The following AK8 variants were observed in gnomAD, a reference collection of about 807,000 sequenced individuals.
The protein encoded by AK8 is ATP-AMP transphosphorylase 8.
Under a neutral mutation model 54.6 loss-of-function variants are expected in AK8, and 44 were observed. The ratio of observed to expected loss-of-function variants is 0.81; its 90% confidence interval spans 0.63 to 1.04. AK8 has a LOEUF of 1.04. AK8 is among the 50% of genes least tolerant of loss of function. AK8 has a pLI of 0.00. For synonymous variants in AK8, 239 were observed against 245.6 expected (o/e 0.97, Z 0.25); for missense variants, 555 against 613.6 (o/e 0.90, Z 1.01).
chr9:132,739,931 G>A (rs1837290711), intron 11 of AK8, among the ~76,000 whole-genome samples: 1 of 152,260 alleles, frequency 6.6e-6, no homozygotes, highest in South Asian at 2.1e-4. Context: ...GTGGGGCAAA[G>A]TACGCATTCT....
intron 11 of AK8, among the ~76,000 whole-genome samples, chr9:132,731,954 C>T (rs1215779331): frequency 6.6e-6 from 1 of 152,194 alleles, no homozygotes; most frequent in Non-Finnish European, 1.5e-5. Context: ...CCCACAATGA[C>T]CAACCATAGT....
At chr9:132,768,776 T>C (rs1239020256) in intron 11 of AK8, among the ~76,000 whole-genome samples, 2 of 152,324 alleles carry the variant, frequency 1.3e-5, no homozygotes, top group South Asian at 4.1e-4. Context: ...ATCTGGACAG[T>C]CTCATGCTAT....
chr9:132,746,574 G>A (rs1837663378), intron 11 of AK8, among the ~76,000 whole-genome samples: 1 of 152,264 alleles, frequency 6.6e-6, no homozygotes, highest in South Asian at 2.1e-4. Context: ...CATGCTAATA[G>A]AGATTCCGAC....
At chr9:132,789,597 CAAAAAAAAAAA>C (rs578003731) in intron 11 of AK8, among the ~76,000 whole-genome samples, 2 of 57,548 alleles carry the variant, frequency 3.5e-5, no homozygotes, top group Non-Finnish European at 6.2e-5. Flanking sequence ...ACTCATCTCA[CAAAAAAAAAAA>C]AAAAAAAAAA....
chr9:132,841,118 C>T (rs1037818125), intron 5 of AK8, among the ~76,000 whole-genome samples: 17 of 152,316 alleles, frequency 1.1e-4, no homozygotes, highest in South Asian at 6.2e-4. Flanking sequence ...TCAGAGCATG[C>T]GCCGCAGCAC....
At chr9:132,727,018 C>A (rs1836608072) in intron 12 of AK8, among the ~76,000 whole-genome samples, 1 of 151,996 alleles carries the variant, frequency 6.6e-6, no homozygotes, top group Non-Finnish European at 1.5e-5. Flanking sequence ...GGTCAGACTG[C>A]AGAATCAAAC....
At chr9:132,742,177 T>A (rs2130980945) in intron 11 of AK8, among the ~76,000 whole-genome samples, 1 of 151,308 alleles carries the variant, frequency 6.6e-6, no homozygotes, top group East Asian at 1.9e-4. Flanking sequence ...GACTTTTTTT[T>A]TTTTTTTTTT....
chr9:132,821,232 G>A (rs1007776786), intron 9 of AK8, among the ~76,000 whole-genome samples: 5 of 151,162 alleles, frequency 3.3e-5, no homozygotes, highest in South Asian at 2.1e-4. Context: ...TATTGCTGCC[G>A]TGTTTTCAGA....
intron 11 of AK8, among the ~76,000 whole-genome samples, chr9:132,768,281 T>C (rs1003167005): frequency 6.6e-6 from 1 of 152,088 alleles, no homozygotes; most frequent in Non-Finnish European, 1.5e-5. Context: ...TTTTTTTTTT[T>C]TTTGAGACGG....
intron 11 of AK8, among the ~76,000 whole-genome samples, chr9:132,786,459 C>T (rs1453354648): frequency 6.6e-6 from 1 of 152,110 alleles, no homozygotes; most frequent in Non-Finnish European, 1.5e-5. Flanking sequence ...TCCCAGTGTC[C>T]TGCTTCTCCC....
At chr9:132,815,810 T>A (rs374707612) in intron 9 of AK8, among the ~76,000 whole-genome samples, 16 of 152,372 alleles carry the variant, frequency 1.1e-4, no homozygotes, top group African/African-American at 3.6e-4. Context: ...TATATTTTCA[T>A]GAATTGTTCA....
intron 11 of AK8, among the ~76,000 whole-genome samples, chr9:132,776,109 A>G (rs1839205723): frequency 6.6e-6 from 1 of 152,186 alleles, no homozygotes; most frequent in Admixed American, 6.5e-5. Context: ...AAGTGGTAAA[A>G]TGTCAATGGT....
intron 11 of AK8, among the ~76,000 whole-genome samples, chr9:132,731,910 G>A (rs1179834513): frequency 6.6e-6 from 1 of 152,168 alleles, no homozygotes; most frequent in Non-Finnish European, 1.5e-5. Context: ...GTCTGTCATG[G>A]TATTTCAGAT....
At chr9:132,785,461 GAAAT>G (rs1839654821) in intron 11 of AK8, among the ~76,000 whole-genome samples, 1 of 152,176 alleles carries the variant, frequency 6.6e-6, no homozygotes, top group Non-Finnish European at 1.5e-5. Context: ...AACAAACTGA[GAAAT>G]AAGGTTTAAT....
intron 11 of AK8, among the ~76,000 whole-genome samples, chr9:132,741,062 C>G (rs1837365929): frequency 6.6e-6 from 1 of 152,144 alleles, no homozygotes; most frequent in African/African-American, 2.4e-5. Context: ...AGTGCCTTTT[C>G]CCCCCATTTC....
intron 11 of AK8, among the ~76,000 whole-genome samples, chr9:132,733,135 T>G (rs1836931122): frequency 6.6e-6 from 1 of 151,682 alleles, no homozygotes; most frequent in African/African-American, 2.4e-5. Flanking sequence ...CTGGGAGCCA[T>G]GAAAAGCCCA....
chr9:132,823,902 C>A (rs550619177), intron 8 of AK8, among the ~76,000 whole-genome samples: 14 of 152,352 alleles, frequency 9.2e-5, no homozygotes, highest in Non-Finnish European at 1.6e-4. Context: ...TGTGCAGCTG[C>A]ACTCTGGTGA....
At chr9:132,854,285 GA>G (rs1470278254) in intron 5 of AK8, among the ~76,000 whole-genome samples, 4 of 152,326 alleles carry the variant, frequency 2.6e-5, no homozygotes, top group Admixed American at 2.0e-4. Context: ...GGGTTCCTGT[GA>G]GGACACATGA....
chr9:132,851,805 A>T (rs1249981829), intron 5 of AK8, among the ~76,000 whole-genome samples: 6 of 152,254 alleles, frequency 3.9e-5, no homozygotes, highest in African/African-American at 1.2e-4. Context: ...AGACAAAAAT[A>T]ATGACATTTG....
Sources: allele counts gnomAD v4.1 joint callset (sites outside exome capture counted in the v4.1 genomes callset), GRCh38; gene constraint gnomAD v4.1.1; transcripts MANE v1.5; gene names NCBI Gene and HGNC (gene_info 2026-07-23, HGNC 2026-07-21).